AKT3: variants seen among roughly 807,000 people sequenced by gnomAD.
AKT3 encodes the protein RAC-gamma serine/threonine-protein kinase.
AKT3 carries 15 observed loss-of-function variants against 65.3 expected under a neutral mutation model. That is an observed-to-expected ratio of 0.23 (90% CI 0.15 to 0.35). The LOEUF (loss-of-function observed/expected upper bound fraction) is 0.35. Among genes scored for constraint, AKT3 ranks in the 10% least tolerant of loss-of-function variants. The pLI is 1.00. For missense variants in AKT3, 243 were observed against 576.5 expected (o/e 0.42, Z 5.92); for synonymous variants, 206 against 183.8 (o/e 1.12, Z -0.98).
At chr1:243,551,566 TATATATATAATATATATATATATG>T (rs1673067037) in intron 11 of AKT3, among the ~76,000 whole-genome samples, 5 of 151,446 alleles carry the variant, frequency 3.3e-5, no homozygotes, top group Admixed American at 2.6e-4. Flanking sequence ...AACCCACTCA[TATATATATAATATATATATATATG>T]AGCATCAACC....
chr1:243,638,227 A>C (rs532328964), intron 5 of AKT3, among the ~76,000 whole-genome samples: 13 of 152,332 alleles, frequency 8.5e-5, no homozygotes, highest in Admixed American at 7.2e-4. Flanking sequence ...TATATTTATA[A>C]GAAATGTCGA....
intron 6 of AKT3, among the ~76,000 whole-genome samples, chr1:243,631,281 G>A (rs1359362889): frequency 6.6e-6 from 1 of 152,142 alleles, no homozygotes; most frequent in Non-Finnish European, 1.5e-5. Flanking sequence ...TGATCAGGGT[G>A]GCAGTTGCCA....
chr1:243,722,987 A>C (rs112983582), intron 2 of AKT3, among the ~76,000 whole-genome samples: 2,683 of 152,324 alleles, frequency 0.018, 82 homozygotes, highest in African/African-American at 0.06. Context: ...TTAATACATT[A>C]GTTTACAAGT....
chr1:243,568,308 C>T (rs1674319711), intron 9 of AKT3, among the ~76,000 whole-genome samples: 1 of 152,012 alleles, frequency 6.6e-6, no homozygotes, highest in Admixed American at 6.6e-5. Context: ...ATGGATGCAT[C>T]CACTAACAAA....
At chr1:243,773,442 A>C (rs1690326238) in intron 2 of AKT3, among the ~76,000 whole-genome samples, 1 of 152,044 alleles carries the variant, frequency 6.6e-6, no homozygotes, top group Non-Finnish European at 1.5e-5. Flanking sequence ...AGGTCACTTC[A>C]TCTTTCTATG....
intron 5 of AKT3, among the ~76,000 whole-genome samples, chr1:243,640,023 C>A (rs578058626): frequency 6.6e-6 from 1 of 152,134 alleles, no homozygotes; most frequent in South Asian, 2.1e-4. Flanking sequence ...GAAATGCCTA[C>A]GTTCACTTTC....
At chr1:243,576,858 A>G (rs1674978515) in intron 8 of AKT3, among the ~76,000 whole-genome samples, 1 of 152,250 alleles carries the variant, frequency 6.6e-6, no homozygotes, top group Non-Finnish European at 1.5e-5. Flanking sequence ...AATTCTTCAC[A>G]GAATTAGAAA....
chr1:243,706,348 T>C (rs1173842344), intron 2 of AKT3, among the ~76,000 whole-genome samples: 7 of 152,202 alleles, frequency 4.6e-5, no homozygotes, highest in Non-Finnish European at 1.0e-4. Flanking sequence ...GGTGCCTCAC[T>C]ACAGCACTAA....
rs1430430535 is a variant in AKT3 at position 243,505,170 on chromosome 1, G to A, written c.*79C>T. The A allele has an allele frequency of 7.3e-7, 1 of 1,365,854 alleles. No homozygotes were observed. Among genetic ancestry groups the A allele is most frequent in the African/African-American group, 1.4e-5 (1 of 70,176 alleles). The allele number at this position is 1,365,854 out of a possible 1,614,324, so 84.6% of individuals were successfully genotyped here. ...CGGAAGGTGCCCCTGCTATGTGTAA[G>A]AGCTAGGACTGGTGATGTCCAGGAA... On this transcript the variant is annotated 3_prime_UTR_variant, in exon 14 of 14. Coordinates refer to ENST00000673466, the MANE Select transcript of AKT3 (RefSeq NM_005465.7).
At chr1:243,843,307 A>AT (rs948784138) in intron 1 of AKT3, 25 bp from the exon 2 acceptor site, 16 of 1,384,906 alleles carry the variant, frequency 1.2e-5, no homozygotes, top group East Asian at 7.5e-5. Context: ...TGAAGAAAGA[A>AT]TTTTTTTTCC....
At chr1:243,837,951 A>G (rs1694996980) in intron 2 of AKT3, among the ~76,000 whole-genome samples, 1 of 152,196 alleles carries the variant, frequency 6.6e-6, no homozygotes, top group South Asian at 2.1e-4. Context: ...AGAACTGTGG[A>G]TGTTCGCAGA....
rs72379577 is a variant in AKT3 at position 243,803,645 on chromosome 1, TACACACACACACACACACACACAC to T, written c.46+39456_46+39479del. Among the ~76,000 whole-genome samples the T allele has an allele frequency of 1.4e-4, 19 of 136,722 alleles. No individual in the cohort carries two copies. The East Asian group carries it at 3.8e-3, about 27-fold the overall frequency. 89.7% of individuals were successfully genotyped at this position (136,722 alleles called of 152,430 possible). A position where few individuals can be genotyped will look rare whatever the true frequency, so the allele number is the denominator to read the frequency against. ...TTGTTACAGAACAAAGACGTACATGTACACACACACACACACACACACACACACACACACACACACACACACATA... is the reference window on the plus strand; with the variant it reads ...TTGTTACAGAACAAAGACGTACATGTACACACACACACACACACACACATA... On this transcript the variant is annotated intron_variant, in intron 2 of 13. Coordinates refer to ENST00000673466, the MANE Select transcript of AKT3 (RefSeq NM_005465.7).
chr1:243,552,287 T>TAAAAAA (rs1673129549), intron 11 of AKT3, among the ~76,000 whole-genome samples: 1 of 944 alleles, frequency 1.1e-3, no homozygotes, highest in African/African-American at 1.4e-3. Flanking sequence ...AGACTCTGTC[T>TAAAAAA]CAAAAAAAAA....
At chr1:243,707,305 A>AT (rs1159243887) in intron 2 of AKT3, among the ~76,000 whole-genome samples, 4 of 152,138 alleles carry the variant, frequency 2.6e-5, no homozygotes, top group Non-Finnish European at 5.9e-5. Flanking sequence ...GGAGGTATTG[A>AT]TTTTTTGTGG....
chr1:243,725,210 A>G (rs1236546564), intron 2 of AKT3, among the ~76,000 whole-genome samples: 1 of 152,054 alleles, frequency 6.6e-6, no homozygotes, highest in Non-Finnish European at 1.5e-5. Context: ...GAAAAAAAAA[A>G]AGAGAAAAAG....
intron 9 of AKT3, among the ~76,000 whole-genome samples, chr1:243,568,657 C>T (rs1016919529): frequency 6.6e-6 from 1 of 152,150 alleles, no homozygotes; most frequent in Non-Finnish European, 1.5e-5. Flanking sequence ...TTGCTGATGG[C>T]TAGCATAAAA....
chr1:243,588,063 A>G (rs1675931701), intron 8 of AKT3, among the ~76,000 whole-genome samples: 1 of 152,228 alleles, frequency 6.6e-6, no homozygotes, highest in African/African-American at 2.4e-5. Flanking sequence ...ACTTTCTGAC[A>G]CATTATTGAG....
intron 9 of AKT3, among the ~76,000 whole-genome samples, chr1:243,569,418 G>A (rs567125515): frequency 6.6e-6 from 1 of 152,164 alleles, no homozygotes; most frequent in African/African-American, 2.4e-5. Flanking sequence ...TTTCTATATA[G>A]GGGGAAATCC....
intron 5 of AKT3, among the ~76,000 whole-genome samples, chr1:243,642,935 C>T (rs758715306): frequency 6.6e-6 from 1 of 152,090 alleles, no homozygotes; most frequent in Non-Finnish European, 1.5e-5. Flanking sequence ...AAGATAAATT[C>T]CAGATACATT....
Sources: gnomAD v4.1 joint callset for allele counts (sites outside exome capture counted in the v4.1 genomes callset) on GRCh38, gnomAD v4.1.1 for gene constraint, MANE v1.5 for transcripts, NCBI Gene and HGNC (gene_info 2026-07-23, HGNC 2026-07-21) for gene names.